The following TTLL5 variants were observed in gnomAD, a reference collection of about 807,000 sequenced individuals.
TTLL5 encodes tubulin polyglutamylase TTLL5.
A neutral mutation model predicts 168.4 loss-of-function variants in TTLL5; 132 were observed. The observed-to-expected ratio is 0.78, with a 90% CI of 0.68 to 0.91. TTLL5 has a LOEUF of 0.91. TTLL5 is among the 40% of genes least tolerant of loss of function. The pLI is 0.00. For missense variants in TTLL5, 1,545 were observed against 1,581.5 expected (o/e 0.98, Z 0.39); for synonymous variants, 546 against 558.6 (o/e 0.98, Z 0.32).
At chr14:75,773,956 AAAGAGAGAGAGAGAG>A (rs1891535876) in intron 21 of TTLL5, among the ~76,000 whole-genome samples, 9 of 48,826 alleles carry the variant, frequency 1.8e-4, no homozygotes, top group African/African-American at 5.8e-4. Context: ...AGAGAGAGAG[AAAGAGAGAGAGAGAG>A]AGAGAGAGAG....
chr14:75,940,143 G>A (rs944558067), intron 31 of TTLL5, among the ~76,000 whole-genome samples: 3 of 134,094 alleles, frequency 2.2e-5, no homozygotes, highest in African/African-American at 5.7e-5. Flanking sequence ...GCAGTGGCGC[G>A]ATCTCAGCTC....
At position 75,689,697 on chromosome 14, in the gene TTLL5, A is replaced by G. The variant is rs148431785; in HGVS notation, c.372-495A>G. 495 of 159,854 alleles carry G rather than the reference A, an allele frequency of 3.1e-3. 7 individuals are homozygous for G. The highest frequency in any genetic ancestry group is 0.011 in the African/African-American group (476 of 41,616). 9.9% of individuals were successfully genotyped at this position (159,854 alleles called of 1,614,324 possible). ...ATACATGCAACAATGATACATTTCAAATGAGTTGTGCTCAGTGAAAGAAGC... is the reference window on the plus strand; with the variant it reads ...ATACATGCAACAATGATACATTTCAGATGAGTTGTGCTCAGTGAAAGAAGC... On this transcript the variant is annotated intron_variant, in intron 5 of 31. Coordinates refer to ENST00000298832, the MANE Select transcript of TTLL5 (RefSeq NM_015072.5).
At chr14:75,949,499 CT>C (rs1197066993) in intron 31 of TTLL5, among the ~76,000 whole-genome samples, 1 of 146,626 alleles carries the variant, frequency 6.8e-6, no homozygotes, top group Non-Finnish European at 1.5e-5. Flanking sequence ...TATATAAAAC[CT>C]TACCAAGAGA....
intron 28 of TTLL5, among the ~76,000 whole-genome samples, chr14:75,832,227 G>C (rs1011558160): frequency 2.1e-4 from 32 of 152,196 alleles, no homozygotes; most frequent in African/African-American, 6.8e-4. Flanking sequence ...TGCACTTGCA[G>C]CTGCTATGCT....
chr14:75,764,674 T>C lies in TTLL5; in HGVS notation c.1610T>C (p.Leu537Pro), dbSNP rs1890854230. The C allele has an allele frequency of 6.2e-7, 1 of 1,614,084 alleles. No individual in the cohort carries two copies. The change falls in exon 19 of 32, where the codon CTG (leucine) becomes CCG (proline). Residue 537 changes from leucine to proline, a missense_variant. Leu to Pro is a moderately conservative substitution (Grantham distance 98). Coordinates refer to ENST00000298832, the MANE Select transcript of TTLL5 (RefSeq NM_015072.5). Reference protein sequence around the residue: ...KIESLNSKAKLHAALYERKLL... With the variant: ...KIESLNSKAKPHAALYERKLL... ...GAGAGTCTGAATTCAAAGGCCAAGC[T>C]GCATGCTGCACTTTACGAGAGGAAG...
At chr14:75,909,987 C>G (rs2033305155) in intron 31 of TTLL5, among the ~76,000 whole-genome samples, 1 of 152,168 alleles carries the variant, frequency 6.6e-6, no homozygotes, top group Non-Finnish European at 1.5e-5. Context: ...AAGAAGACAG[C>G]CTGGCTTTTA....
intron 31 of TTLL5, among the ~76,000 whole-genome samples, chr14:75,949,600 TA>T: frequency 6.6e-6 from 1 of 151,906 alleles, no homozygotes; most frequent in South Asian, 2.1e-4. Context: ...CCTGTAATCC[TA>T]GCACTTTGGG....
At chr14:75,917,493 C>T (rs2033660692) in intron 31 of TTLL5, among the ~76,000 whole-genome samples, 1 of 152,214 alleles carries the variant, frequency 6.6e-6, no homozygotes, top group African/African-American at 2.4e-5. Flanking sequence ...GCCTCCGCCT[C>T]CCTGCAGTGT....
At chr14:75,776,537 C>G (rs747510082) in intron 22 of TTLL5, among the ~76,000 whole-genome samples, 17 of 152,154 alleles carry the variant, frequency 1.1e-4, no homozygotes, top group Non-Finnish European at 2.5e-4. Context: ...CATTCTGCAA[C>G]TTTTACTTGG....
intron 31 of TTLL5, among the ~76,000 whole-genome samples, chr14:75,953,488 T>C (rs1035859815): frequency 1.3e-5 from 2 of 152,150 alleles, no homozygotes; most frequent in African/African-American, 4.8e-5. Flanking sequence ...CAACAGTATA[T>C]TATATAGGGG....
intron 24 of TTLL5, among the ~76,000 whole-genome samples, chr14:75,782,013 T>C (rs533367220): frequency 3.4e-5 from 5 of 147,354 alleles, no homozygotes; most frequent in African/African-American, 1.0e-4. Context: ...GCCATCGTAG[T>C]ATCCAGGTAT....
chr14:75,696,316 CTG>C (rs1413784609), intron 6 of TTLL5, among the ~76,000 whole-genome samples: 2 of 152,238 alleles, frequency 1.3e-5, no homozygotes, highest in East Asian at 3.9e-4. Flanking sequence ...ATGGAAAAGA[CTG>C]TATTTTTTAA....
intron 9 of TTLL5, among the ~76,000 whole-genome samples, chr14:75,715,367 G>C (rs566937043): frequency 6.6e-6 from 1 of 150,834 alleles, no homozygotes; most frequent in East Asian, 1.9e-4. Context: ...ATGTTGTTCA[G>C]GTAATTAAAG....
intron 19 of TTLL5, among the ~76,000 whole-genome samples, chr14:75,765,327 A>T (rs1890902625): frequency 6.6e-6 from 1 of 152,184 alleles, no homozygotes; most frequent in Admixed American, 6.5e-5. Flanking sequence ...CTCTGTCCTC[A>T]TAGAACTTAC....
At chr14:75,810,670 A>G (rs1198983971) in intron 27 of TTLL5, among the ~76,000 whole-genome samples, 3 of 152,146 alleles carry the variant, frequency 2.0e-5, no homozygotes, top group Non-Finnish European at 4.4e-5. Context: ...CCTGACCCTA[A>G]ATCTTTAATG....
chr14:75,869,323 T>A (rs1185685593), intron 29 of TTLL5, among the ~76,000 whole-genome samples: 2 of 152,162 alleles, frequency 1.3e-5, no homozygotes, highest in Non-Finnish European at 2.9e-5. Flanking sequence ...TTCGGTTGTT[T>A]TGGAAATAGG....
intron 3 of TTLL5, among the ~76,000 whole-genome samples, chr14:75,679,287 T>A (rs780440366): frequency 6.6e-6 from 1 of 152,032 alleles, no homozygotes; most frequent in Non-Finnish European, 1.5e-5. Flanking sequence ...TGTTGTGATG[T>A]GAAAAAGACT....
rs772161064 is a variant in TTLL5 at position 75,699,239 on chromosome 14, C to T, written c.554C>T (p.Ser185Leu). Residue 185 changes from serine to leucine, a missense_variant, in exon 7 of 32, where the codon TCA becomes TTA. Physicochemically the swap from Ser to Leu is moderately radical, Grantham distance 145. Transcript: ENST00000298832. ...GPWIVKPVAS[S>L]RGRGVYLINN... ...TGGATAGTAAAACCAGTGGCATCTTCAAGGGGGCGGGGCGTCTACCTGATC... is the reference window on the plus strand; with the variant it reads ...TGGATAGTAAAACCAGTGGCATCTTTAAGGGGGCGGGGCGTCTACCTGATC... 1 of 1,613,880 alleles carries T rather than the reference C, an allele frequency of 6.2e-7. No homozygotes were observed. Among genetic ancestry groups the T allele is most frequent in the East Asian group, 2.2e-5 (1 of 44,872 alleles).
intron 17 of TTLL5, 55 bp from the exon 18 acceptor site, chr14:75,752,838 C>T: frequency 6.6e-7 from 1 of 1,519,966 alleles, no homozygotes; most frequent in South Asian, 1.1e-5. Flanking sequence ...TGTATTTCTA[C>T]ATTTTCCTCT....
Sources: gnomAD v4.1 joint callset for allele counts (sites outside exome capture counted in the v4.1 genomes callset) on GRCh38, gnomAD v4.1.1 for gene constraint, MANE v1.5 for transcripts, NCBI Gene and HGNC (gene_info 2026-07-23, HGNC 2026-07-21) for gene names.